TTLL5: variants seen among roughly 807,000 people sequenced by gnomAD.
TTLL5 encodes tubulin polyglutamylase TTLL5.
TTLL5 carries 132 observed loss-of-function variants against 168.4 expected under a neutral mutation model. The observed-to-expected ratio is 0.78, with a 90% CI of 0.68 to 0.91. TTLL5 has a LOEUF of 0.91. Ranked by LOEUF, TTLL5 falls within the 40% of genes least tolerant of loss-of-function variation. The pLI is 0.00. For synonymous variants in TTLL5, 546 were observed against 558.6 expected, an observed-to-expected ratio of 0.98 and a Z score of 0.32; for missense variants, 1,545 against 1,581.5, an observed-to-expected ratio of 0.98 and a Z score of 0.39.
chr14:75,922,935 A>G (rs1009947992), intron 31 of TTLL5, among the ~76,000 whole-genome samples: 4 of 152,070 alleles, frequency 2.6e-5, no homozygotes, highest in African/African-American at 9.7e-5. Flanking sequence ...CAGAGATTCA[A>G]CTTCTTCCTG....
At chr14:75,844,395 A>C (rs1238082095) in intron 28 of TTLL5, among the ~76,000 whole-genome samples, 3 of 151,876 alleles carry the variant, frequency 2.0e-5, no homozygotes, top group Non-Finnish European at 4.4e-5. Context: ...TCTTTGGATG[A>C]CTTTAGTATT....
rs1434237825 is a variant in TTLL5, at chr14:75,663,217, G to A, written c.68G>A (p.Ser23Asn). Residue 23 changes from serine (S) to asparagine (N), a missense_variant, in exon 2 of 32, where the codon AGT becomes AAT. Transcript: ENST00000298832. The stretch of plus-strand genomic sequence containing the variant: ...TCCTCAGAGGATGAGGAGGTCATAA[G>A]TCAAGAGTAAGTAATAGCAAGCCTG... The part of the protein sequence containing the change: ...ASSSEDEEVI[S>N]QEDHPCIMWT... The A allele has an allele frequency of 4.3e-6, 7 of 1,612,274 alleles. No homozygotes were observed. In the South Asian group the frequency reaches 7.7e-5, roughly 18 times the overall value.
At chr14:75,869,444 C>T (rs939273693) in intron 29 of TTLL5, among the ~76,000 whole-genome samples, 3 of 152,102 alleles carry the variant, frequency 2.0e-5, no homozygotes, top group Non-Finnish European at 4.4e-5. Flanking sequence ...TTTTCCTTAT[C>T]TCTAATTTGA....
At chr14:75,789,457 CA>C (rs1403072621) in intron 26 of TTLL5, among the ~76,000 whole-genome samples, 2 of 152,040 alleles carry the variant, frequency 1.3e-5, no homozygotes, top group African/African-American at 4.8e-5. Flanking sequence ...TAATTGCTTT[CA>C]AAATTACTTG....
intron 17 of TTLL5, among the ~76,000 whole-genome samples, chr14:75,752,533 T>G (rs1890013640): frequency 6.6e-6 from 1 of 152,222 alleles, no homozygotes; most frequent in African/African-American, 2.4e-5. Flanking sequence ...GCATCTCCTA[T>G]TCCCAGTTTC....
intron 27 of TTLL5, among the ~76,000 whole-genome samples, chr14:75,803,841 A>G (rs1893485230): frequency 6.6e-6 from 1 of 152,158 alleles, no homozygotes; most frequent in Non-Finnish European, 1.5e-5. Flanking sequence ...CCATTAGTGA[A>G]CAGAAGAATG....
At chr14:75,805,027 A>G (rs1893568313) in intron 27 of TTLL5, among the ~76,000 whole-genome samples, 1 of 152,146 alleles carries the variant, frequency 6.6e-6, no homozygotes. Context: ...TTTTAAAATA[A>G]CACACCCTTG....
chr14:75,783,113 A>G (rs754101457), intron 25 of TTLL5, 34 bp from the exon 26 acceptor site: 18 of 1,558,462 alleles, frequency 1.2e-5, no homozygotes, highest in Admixed American at 1.8e-5. Flanking sequence ...TGTTTTTCCT[A>G]TAATGATGTC....
At chr14:75,696,872 T>A (rs1885913598) in intron 6 of TTLL5, among the ~76,000 whole-genome samples, 1 of 152,224 alleles carries the variant, frequency 6.6e-6, no homozygotes, top group Non-Finnish European at 1.5e-5. Flanking sequence ...CAGGCTATCT[T>A]CAAGATCATT....
chr14:75,781,644 A>G (rs966113483), intron 24 of TTLL5, among the ~76,000 whole-genome samples: 1 of 152,092 alleles, frequency 6.6e-6, no homozygotes, highest in Non-Finnish European at 1.5e-5. Context: ...ATACTGATCA[A>G]CCTATCTCCA....
At chr14:75,770,434 C>T (rs1891235401) in intron 20 of TTLL5, among the ~76,000 whole-genome samples, 2 of 152,178 alleles carry the variant, frequency 1.3e-5, no homozygotes, top group East Asian at 1.9e-4. Flanking sequence ...CAAATCCTAC[C>T]TCCTAACCTT....
chr14:75,869,058 G>A (rs1211680891), intron 29 of TTLL5, among the ~76,000 whole-genome samples: 1 of 149,912 alleles, frequency 6.7e-6, no homozygotes, highest in African/African-American at 2.5e-5. Context: ...GTGTGTGTGT[G>A]TGTGTTTAAG....
At chr14:75,948,593 G>A (rs1280108639) in intron 31 of TTLL5, among the ~76,000 whole-genome samples, 1 of 151,814 alleles carries the variant, frequency 6.6e-6, no homozygotes, top group African/African-American at 2.4e-5. Flanking sequence ...GGGAAGAGGA[G>A]GGGCTGAAAG....
At chr14:75,838,071 G>A (rs1895970769) in intron 28 of TTLL5, 1 of 152,122 alleles carries the variant, frequency 6.6e-6, no homozygotes, top group Non-Finnish European at 1.5e-5. Context: ...TATGTTAATT[G>A]TGTTTTTTTA....
At chr14:75,886,701 A>G in intron 30 of TTLL5, 1 of 1,597,892 alleles carries the variant, frequency 6.3e-7, no homozygotes. Context: ...ATAATTTAGT[A>G]CCCGCTTCAG....
At chr14:75,913,469 A>G (rs1199181203) in intron 31 of TTLL5, among the ~76,000 whole-genome samples, 1 of 152,114 alleles carries the variant, frequency 6.6e-6, no homozygotes, top group East Asian at 1.9e-4. Context: ...TAAGCTTGAA[A>G]TTTCCTGGAA....
intron 12 of TTLL5, among the ~76,000 whole-genome samples, chr14:75,723,662 C>T (rs1887987974): frequency 6.6e-6 from 1 of 152,058 alleles, no homozygotes; most frequent in African/African-American, 2.4e-5. Context: ...TTGGGAGCTT[C>T]ATTATTGAAC....
chr14:75,758,851 A>G (rs567970477), intron 18 of TTLL5, among the ~76,000 whole-genome samples: 121 of 152,306 alleles, frequency 7.9e-4, no homozygotes, highest in Non-Finnish European at 1.6e-3. Context: ...GATACTAAAA[A>G]TATGTCAAGA....
chr14:75,778,612 T>C (rs1891859503), intron 23 of TTLL5, among the ~76,000 whole-genome samples: 2 of 152,214 alleles, frequency 1.3e-5, no homozygotes. Context: ...GTGTGTTTTC[T>C]GAAGATGGGA....
Sources: gnomAD v4.1 joint callset for allele counts (sites outside exome capture counted in the v4.1 genomes callset) on GRCh38, gnomAD v4.1.1 for gene constraint, MANE v1.5 for transcripts, NCBI Gene and HGNC (gene_info 2026-07-23, HGNC 2026-07-21) for gene names.